CHSY3: variants seen among roughly 807,000 people sequenced by gnomAD.
CHSY3 encodes chondroitin sulfate synthase 3, also known as N-acetylgalactosaminyl-proteoglycan 3-beta-glucuronosyltransferase 3.
A neutral mutation model predicts 67.2 loss-of-function variants in CHSY3; 35 were observed. The ratio of observed to expected loss-of-function variants is 0.52; its 90% CI spans 0.40 to 0.69. The LOEUF (loss-of-function observed/expected upper bound fraction) is 0.69, where lower values mean the gene tolerates loss of function less well. CHSY3 is among the 30% of genes least tolerant of loss of function. CHSY3 has a pLI of 0.00. For synonymous variants in CHSY3, 474 were observed against 434.7 expected (o/e 1.09, Z -1.12); for missense variants, 1,069 against 1,138.5 (o/e 0.94, Z 0.88).
intron 2 of CHSY3, among the ~76,000 whole-genome samples, chr5:130,082,664 A>C (rs1049377884): frequency 1.3e-5 from 2 of 151,940 alleles, no homozygotes; most frequent in African/African-American, 4.8e-5. Context: ...TTATTCCCAA[A>C]GGTTATGTAT....
intron 2 of CHSY3, among the ~76,000 whole-genome samples, chr5:129,960,543 A>G (rs910831418): frequency 1.3e-5 from 2 of 151,988 alleles, no homozygotes; most frequent in Admixed American, 1.3e-4. Flanking sequence ...TTTTACTTAA[A>G]TACGTGAGAA....
intron 2 of CHSY3, among the ~76,000 whole-genome samples, chr5:130,137,000 C>A (rs1344039807): frequency 6.6e-6 from 1 of 152,114 alleles, no homozygotes; most frequent in Non-Finnish European, 1.5e-5. Flanking sequence ...TGGCTCCAAA[C>A]AATATCAGAT....
intron 2 of CHSY3, among the ~76,000 whole-genome samples, chr5:130,027,678 G>C (rs1764586900): frequency 6.7e-6 from 1 of 149,304 alleles, no homozygotes; most frequent in Non-Finnish European, 1.5e-5. Flanking sequence ...GTGTCCAAGT[G>C]TTCTCATTGT....
At chr5:129,919,883 A>G (rs1179713109) in intron 2 of CHSY3, among the ~76,000 whole-genome samples, 2 of 152,194 alleles carry the variant, frequency 1.3e-5, no homozygotes, top group Non-Finnish European at 2.9e-5. Context: ...GATTTTTTAT[A>G]CAGTGTGGAG....
At chr5:130,058,976 A>G (rs1765623729) in intron 2 of CHSY3, among the ~76,000 whole-genome samples, 1 of 152,016 alleles carries the variant, frequency 6.6e-6, no homozygotes, top group Non-Finnish European at 1.5e-5. Flanking sequence ...GAATTTAGGG[A>G]CTATGAAGGT....
intron 2 of CHSY3, among the ~76,000 whole-genome samples, chr5:130,040,328 G>A (rs1466387132): frequency 6.6e-6 from 1 of 152,118 alleles, no homozygotes; most frequent in Non-Finnish European, 1.5e-5. Context: ...TTGTCCAGCC[G>A]TGAGCTTCCA....
chr5:130,024,142 A>AAAG, intron 2 of CHSY3, among the ~76,000 whole-genome samples: 1 of 151,270 alleles, frequency 6.6e-6, no homozygotes, highest in East Asian at 1.9e-4. Context: ...ATGGTCAAAA[A>AAAG]AAAAAAAAAA....
intron 2 of CHSY3, among the ~76,000 whole-genome samples, chr5:130,114,969 G>A (rs1767737995): frequency 6.6e-6 from 1 of 152,054 alleles, no homozygotes; most frequent in South Asian, 2.1e-4. Flanking sequence ...AACTATTAAT[G>A]GGATCTATAG....
intron 2 of CHSY3, among the ~76,000 whole-genome samples, chr5:130,172,102 T>C (rs1314460263): frequency 1.3e-5 from 2 of 152,074 alleles, no homozygotes; most frequent in South Asian, 2.1e-4. Context: ...GTGTGCAAAA[T>C]ATCAGCCTGT....
intron 2 of CHSY3, among the ~76,000 whole-genome samples, chr5:129,971,451 T>C (rs1762638282): frequency 6.6e-6 from 1 of 151,920 alleles, no homozygotes; most frequent in Non-Finnish European, 1.5e-5. Context: ...AATAAAAGAC[T>C]TACATCAGAA....
intron 2 of CHSY3, among the ~76,000 whole-genome samples, chr5:130,060,893 C>T (rs535620495): frequency 6.6e-6 from 1 of 152,006 alleles, no homozygotes; most frequent in Admixed American, 6.6e-5. Flanking sequence ...GAACAACAAA[C>T]ACTGATGAAA....
chr5:129,989,788 A>G (rs1580620144), intron 2 of CHSY3, among the ~76,000 whole-genome samples: 6 of 152,316 alleles, frequency 3.9e-5, no homozygotes, highest in Admixed American at 3.9e-4. Context: ...GCTTCATAGT[A>G]TTAATATTAC....
Position 129,905,051 on chromosome 5 carries a change from G to A in CHSY3, c.222G>A (p.Gln74=), listed in dbSNP as rs768984415. The change falls in exon 1 of 3, where the codon CAG becomes CAA. Residue 74 remains glutamine, a synonymous_variant. Coordinates refer to ENST00000305031, the MANE Select transcript of CHSY3 (RefSeq NM_175856.5). ...CCCAGTCCCGACCACGGCAGGAGCA[G>A]TCGCCGCCCCCCGCGCGCCAGGATC... ...PQPQSRPRQE[Q]SPPPARQDLQ... is the part of the protein sequence containing the mutation. The A allele has an allele frequency of 5.5e-5, 85 of 1,549,446 alleles. No individual in the cohort carries two copies. Among genetic ancestry groups the A allele is most frequent in the Non-Finnish European group, 6.8e-5 (79 of 1,154,116 alleles).
chr5:129,913,889 A>G (rs1240320807), intron 2 of CHSY3, among the ~76,000 whole-genome samples: 1 of 152,180 alleles, frequency 6.6e-6, no homozygotes, highest in Non-Finnish European at 1.5e-5. Flanking sequence ...TTTATGTTCA[A>G]TCTTAGTTTC....
rs1233931869 is a variant in CHSY3 at position 130,001,706 on chromosome 5, T to TA, written c.1086+93348dup. Reference sequence around the variant, plus strand: ...ACTATTCACAATTATTTCATAAAAATAAGTAACATTATTTTTTAAAGATCT... The same window carrying TA: ...ACTATTCACAATTATTTCATAAAAATAAAGTAACATTATTTTTTAAAGATCT... On this transcript the variant is annotated intron_variant, in intron 2 of 2. Coordinates refer to ENST00000305031, the MANE Select transcript of CHSY3 (RefSeq NM_175856.5). The TA allele has an allele frequency of 6.6e-6, 5 of 757,222 alleles. No individual in the cohort carries two copies. The East Asian group carries it at 6.4e-4, about 97-fold the overall frequency. 46.9% of individuals were successfully genotyped at this position (757,222 alleles called of 1,614,324 possible).
chr5:130,105,862 ACT>A (rs1767395824), intron 2 of CHSY3, among the ~76,000 whole-genome samples: 2 of 151,572 alleles, frequency 1.3e-5, no homozygotes, highest in South Asian at 4.1e-4. Context: ...CAATTCAGAT[ACT>A]CTGTTCTCAA....
intron 2 of CHSY3, among the ~76,000 whole-genome samples, chr5:130,134,697 G>T (rs75529852): frequency 1.7e-3 from 263 of 152,176 alleles, no homozygotes; most frequent in African/African-American, 6.1e-3. Context: ...ATGTAGTTTT[G>T]TTTTGTGTTT....
At chr5:129,905,829 A>T in intron 1 of CHSY3, 198 bp downstream of exon 1, 3 of 1,102,002 alleles carry the variant, frequency 2.7e-6, no homozygotes, top group Non-Finnish European at 3.5e-6. Context: ...TGCAATCTGG[A>T]CCCTCCTCAC....
At chr5:130,164,224 C>G (rs1769654232) in intron 2 of CHSY3, among the ~76,000 whole-genome samples, 1 of 152,054 alleles carries the variant, frequency 6.6e-6, no homozygotes, top group African/African-American at 2.4e-5. Context: ...TATCGATGCC[C>G]TATAATAAAG....
Sources: gnomAD v4.1 joint callset for allele counts (sites outside exome capture counted in the v4.1 genomes callset) on GRCh38, gnomAD v4.1.1 for gene constraint, MANE v1.5 for transcripts, NCBI Gene and HGNC (gene_info 2026-07-23, HGNC 2026-07-21) for gene names.